INHBC: variants seen among roughly 807,000 people sequenced by gnomAD.
INHBC encodes the protein inhibin subunit beta C.
INHBC carries 10 observed loss-of-function variants against 12.4 expected under a neutral mutation model. The ratio of observed to expected loss-of-function variants is 0.81; its 90% CI spans 0.50 to 1.37. The LOEUF (loss-of-function observed/expected upper bound fraction) is 1.37, where lower values mean the gene tolerates loss of function less well. Among genes scored for constraint, INHBC ranks in the 40% most tolerant of loss-of-function variants. The pLI is 0.00. For missense variants in INHBC, 382 were observed against 439.4 expected (o/e 0.87, Z 1.17); for synonymous variants, 147 against 171.6 (o/e 0.86, Z 1.12).
Position 57,435,039 on chromosome 12 carries a change from C to T in INHBC, c.153C>T (p.Ile51=). ...ELLLDLAKRS[I]LDKLHLTQRP... is the part of the protein sequence containing the mutation. ...TTCTTGATCTGGCCAAGAGAAGCAT[C>T]TTGGACAAGCTGCACCTCACCCAGC... is the stretch of plus-strand genomic sequence containing the variant. The change falls in exon 1 of 2, where the codon ATC becomes ATT. Residue 51 remains isoleucine, a synonymous_variant. Transcript: ENST00000309668. 6.2e-7 allele frequency: 1 copy of T among 1,614,196 alleles called. No individual in the cohort carries two copies. The highest frequency in any genetic ancestry group is 1.1e-5 in the South Asian group (1 of 91,086).
At chr12:57,441,075 C>T (rs943627408) in intron 1 of INHBC, among the ~76,000 whole-genome samples, 6 of 152,042 alleles carry the variant, frequency 3.9e-5, no homozygotes, top group East Asian at 1.9e-4. Flanking sequence ...AACAAAAAGC[C>T]GGGTGCTGTG....
intron 1 of INHBC, among the ~76,000 whole-genome samples, chr12:57,441,245 C>T (rs9738004): frequency 0.43 from 64,672 of 150,740 alleles, 14,690 homozygotes; most frequent in South Asian, 0.52. Context: ...TCCCAGCTAC[C>T]CGGGAGGCTG....
At chr12:57,445,940 T>C (rs957803937) in intron 1 of INHBC, among the ~76,000 whole-genome samples, 6 of 151,576 alleles carry the variant, frequency 4.0e-5, no homozygotes, top group African/African-American at 1.5e-4. Flanking sequence ...TTTGTTTGTT[T>C]GTTCGTTTTT....
chr12:57,445,846 A>G (rs894990446), intron 1 of INHBC, among the ~76,000 whole-genome samples: 2 of 151,614 alleles, frequency 1.3e-5, no homozygotes, highest in Non-Finnish European at 1.5e-5. Context: ...CGCAGGTTCA[A>G]GTGATTCTCC....
At position 57,447,895 on chromosome 12, in the gene INHBC, ATATATATATATATATATATATATATAT is replaced by A. The variant is rs1870621614; in HGVS notation, c.314-1381_314-1355del. Reference sequence around the variant, plus strand: ...AAAAAAAAAAAAAAAAAAAAAAAATATATATATATATATATATATATATATATAAAATATATGTGTGTGTGCTTGTGT... The same window carrying A: ...AAAAAAAAAAAAAAAAAAAAAAAATAAAAATATATGTGTGTGTGCTTGTGT... On this transcript the variant is annotated intron_variant, in intron 1 of 1. Coordinates refer to ENST00000309668, the MANE Select transcript of INHBC (RefSeq NM_005538.4). Among the ~76,000 whole-genome samples the A allele has an allele frequency of 5.6e-5, 4 of 71,784 alleles. 1 individual carries two copies. The highest frequency in any genetic ancestry group is 5.7e-5 in the Non-Finnish European group (2 of 35,234). 47.1% of individuals were successfully genotyped at this position (71,784 alleles called of 152,430 possible). A position where few individuals can be genotyped will look rare whatever the true frequency, so the allele number is the denominator to read the frequency against.
At chr12:57,445,925 T>C (rs1302087408) in intron 1 of INHBC, among the ~76,000 whole-genome samples, 1 of 151,394 alleles carries the variant, frequency 6.6e-6, no homozygotes, top group Non-Finnish European at 1.5e-5. Flanking sequence ...TTGGTGGTTT[T>C]TTTGTTTGTT....
At position 57,451,694 on chromosome 12, in the gene INHBC, A is replaced by T. The variant is rs1870715412; in HGVS notation, c.*1672A>T. The T allele has an allele frequency of 5.7e-6, 2 of 348,538 alleles. No homozygotes were observed. Among genetic ancestry groups the T allele is most frequent in the Non-Finnish European group, 1.1e-5 (2 of 178,084 alleles). The allele number at this position is 348,538 out of a possible 1,614,324, so 21.6% of individuals were successfully genotyped here. ...GGAACCCTAGAGGAGAAAGTCTGAA[A>T]AGGACTGCCTGGGGGACTGTAAATC... On this transcript the variant is annotated 3_prime_UTR_variant, in exon 2 of 2. Transcript: ENST00000309668.
At chr12:57,445,706 T>C (rs1312533444) in intron 1 of INHBC, among the ~76,000 whole-genome samples, 1 of 137,928 alleles carries the variant, frequency 7.3e-6, no homozygotes. Context: ...CTGGGTAACA[T>C]AGTGAGACCC....
intron 1 of INHBC, among the ~76,000 whole-genome samples, chr12:57,440,700 C>T (rs2139831436): frequency 6.6e-6 from 1 of 152,282 alleles, no homozygotes; most frequent in East Asian, 1.9e-4. Flanking sequence ...TACCAACTGG[C>T]ATTTTCAGCA....
intron 1 of INHBC, among the ~76,000 whole-genome samples, chr12:57,437,778 G>GTGTTTGTTTGTT (rs61037641): frequency 0.29 from 43,921 of 149,964 alleles, 7,810 homozygotes; most frequent in Middle Eastern, 0.65. Context: ...CCTCGTTTTT[G>GTGTTTGTTTGTT]TGTTTGTTTG....
chr12:57,447,862 CAAAAAAAAAAAAA>C (rs869208182), intron 1 of INHBC, among the ~76,000 whole-genome samples: 9 of 5,240 alleles, frequency 1.7e-3, no homozygotes, highest in East Asian at 0.013. Context: ...AACTCCGTCT[CAAAAAAAAAAAAA>C]AAAAAAAAAA....
chr12:57,449,678 G>A lies in INHBC; in HGVS notation c.715G>A (p.Asp239Asn), dbSNP rs569397166. The part of the protein sequence containing the change: ...GKHQIHRRGI[D>N]CQGGSRMCCR... ...ACACCAGATTCACCGACGAGGCATC[G>A]ACTGCCAAGGAGGGTCCAGGATGTG... Residue 239 changes from aspartate (D) to asparagine (N), a missense_variant, in exon 2 of 2, where the codon GAC becomes AAC. Coordinates refer to ENST00000309668, the MANE Select transcript of INHBC (RefSeq NM_005538.4). 5.0e-6 allele frequency: 8 copies of A among 1,614,228 alleles called. No homozygotes were observed. The highest frequency in any genetic ancestry group is 2.7e-5 in the African/African-American group (2 of 75,066).
At position 57,435,165 on chromosome 12, in the gene INHBC, A is replaced by G; in HGVS notation, c.279A>G (p.Glu93=). 3 of 1,613,632 alleles carry G rather than the reference A, an allele frequency of 1.9e-6. No homozygotes were observed. The highest frequency in any genetic ancestry group is 1.7e-6 in the Non-Finnish European group (2 of 1,179,610). Reference sequence around the variant, plus strand: ...GGGCACTTCTAGAGGACAACAGGGAACAGGAATGTGAAATCATCAGCTTTG... The same window carrying G: ...GGGCACTTCTAGAGGACAACAGGGAGCAGGAATGTGAAATCATCAGCTTTG... ...PQGALLEDNR[E]QECEIISFAE... Residue 93 remains glutamate, a synonymous_variant, in exon 1 of 2, where the codon GAA becomes GAG. Coordinates refer to ENST00000309668, the MANE Select transcript of INHBC (RefSeq NM_005538.4).
intron 1 of INHBC, among the ~76,000 whole-genome samples, chr12:57,436,768 G>T (rs1390816752): frequency 6.6e-6 from 1 of 151,914 alleles, no homozygotes; most frequent in Non-Finnish European, 1.5e-5. Context: ...CTGGGTTCAC[G>T]CCATTCTCCT....
chr12:57,438,345 CTT>C (rs1051917112), intron 1 of INHBC, among the ~76,000 whole-genome samples: 6 of 152,156 alleles, frequency 3.9e-5, no homozygotes, highest in African/African-American at 1.2e-4. Context: ...TCTCTGGAAA[CTT>C]TTTATAAAGG....
At chr12:57,445,266 T>G (rs527553056) in intron 1 of INHBC, among the ~76,000 whole-genome samples, 46 of 152,322 alleles carry the variant, frequency 3.0e-4, no homozygotes, top group African/African-American at 1.1e-3. Flanking sequence ...TTTGAAGTGT[T>G]TTAAGCTGAG....
chr12:57,436,371 G>T (rs1320602451), intron 1 of INHBC, among the ~76,000 whole-genome samples: 5 of 149,896 alleles, frequency 3.3e-5, no homozygotes, highest in Admixed American at 6.7e-5. Flanking sequence ...CACTATGTTG[G>T]CCACGCTGGT....
At chr12:57,444,996 A>G (rs1870545067) in intron 1 of INHBC, among the ~76,000 whole-genome samples, 1 of 152,114 alleles carries the variant, frequency 6.6e-6, no homozygotes, top group African/African-American at 2.4e-5. Flanking sequence ...CCTGCTTTAG[A>G]TAGATTAGGA....
At chr12:57,444,543 A>G (rs1792362073) in intron 1 of INHBC, among the ~76,000 whole-genome samples, 1 of 124,180 alleles carries the variant, frequency 8.1e-6, no homozygotes, top group Non-Finnish European at 1.6e-5. Context: ...TCTGTCTCAG[A>G]AAAAAAAAAA....
Sources: gnomAD v4.1 joint callset for allele counts (sites outside exome capture counted in the v4.1 genomes callset) on GRCh38, gnomAD v4.1.1 for gene constraint, MANE v1.5 for transcripts, NCBI Gene and HGNC (gene_info 2026-07-23, HGNC 2026-07-21) for gene names.